RAMP1: variants seen among roughly 807,000 people sequenced by gnomAD.
RAMP1 encodes the protein receptor activity modifying protein 1, also known as receptor activity-modifying protein 1.
RAMP1 carries 7 observed loss-of-function variants against 8.2 expected under a neutral mutation model. That is an observed-to-expected ratio of 0.85 (90% CI 0.49 to 1.60). The LOEUF (loss-of-function observed/expected upper bound fraction) is 1.60, where lower values mean the gene tolerates loss of function less well. Among genes scored for constraint, RAMP1 ranks in the 40% most tolerant of loss-of-function variants. RAMP1 has a pLI of 0.00. For synonymous variants in RAMP1, 92 were observed against 84.7 expected (o/e 1.09, Z -0.47); for missense variants, 192 against 202.4 (o/e 0.95, Z 0.31).
intron 2 of RAMP1, among the ~76,000 whole-genome samples, chr2:237,884,042 G>A (rs912543132): frequency 7.3e-5 from 11 of 150,914 alleles, no homozygotes; most frequent in East Asian, 5.9e-4. Context: ...TGCCCTGACC[G>A]TGACCCCACT....
At chr2:237,898,763 G>A (rs1428277397) in intron 2 of RAMP1, among the ~76,000 whole-genome samples, 5 of 152,206 alleles carry the variant, frequency 3.3e-5, no homozygotes, top group South Asian at 2.1e-4. Flanking sequence ...CCCAGGGCCC[G>A]GGCTGAGGCC....
intron 1 of RAMP1, among the ~76,000 whole-genome samples, chr2:237,869,204 C>A (rs1028890908): frequency 1.3e-5 from 2 of 152,172 alleles, no homozygotes; most frequent in Admixed American, 1.3e-4. Context: ...CCATATGTGA[C>A]CCTGCCAGTC....
intron 1 of RAMP1, chr2:237,860,009 T>G (rs1013889025): frequency 1.3e-5 from 5 of 374,092 alleles, no homozygotes; most frequent in African/African-American, 1.1e-4. Context: ...GTGGGGTGAG[T>G]CAGCCCTGCA....
intron 1 of RAMP1, among the ~76,000 whole-genome samples, chr2:237,867,693 A>C (rs2062203204): frequency 1.3e-5 from 2 of 152,180 alleles, no homozygotes; most frequent in South Asian, 4.1e-4. Context: ...TTCTGGGATG[A>C]ATGGAGCGTT....
chr2:237,891,104 T>G (rs1477124867), intron 2 of RAMP1, among the ~76,000 whole-genome samples: 1 of 152,190 alleles, frequency 6.6e-6, no homozygotes. Context: ...ACTTTCCTCA[T>G]TCATCACTTT....
At chr2:237,869,914 G>A (rs760782053) in intron 1 of RAMP1, 6 of 152,262 alleles carry the variant, frequency 3.9e-5, no homozygotes, top group Non-Finnish European at 5.9e-5. Context: ...GCCGTGTGAG[G>A]CCACCTCTGC....
At chr2:237,859,820 G>T in intron 1 of RAMP1, 93 bp downstream of exon 1, 9 of 651,144 alleles carry the variant, frequency 1.4e-5, no homozygotes, top group Non-Finnish European at 2.0e-5. Flanking sequence ...GAGCGGGTGG[G>T]AGCGGGTGGG....
chr2:237,874,057 TG>T (rs2062273788), intron 1 of RAMP1, among the ~76,000 whole-genome samples: 1 of 151,268 alleles, frequency 6.6e-6, no homozygotes, highest in South Asian at 2.1e-4. Context: ...CTAAGAGAGG[TG>T]GGGGATGCAG....
At chr2:237,868,118 A>G (rs1308940793) in intron 1 of RAMP1, among the ~76,000 whole-genome samples, 3 of 148,762 alleles carry the variant, frequency 2.0e-5, no homozygotes, top group Non-Finnish European at 4.4e-5. Flanking sequence ...ATGTCAGCTC[A>G]CTGCAACCTC....
chr2:237,864,870 G>A (rs896066250), intron 1 of RAMP1, among the ~76,000 whole-genome samples: 4 of 147,306 alleles, frequency 2.7e-5, no homozygotes, highest in African/African-American at 7.8e-5. Flanking sequence ...GGGCAAGGAC[G>A]GTTGTGCAAA....
At chr2:237,911,477 G>A (rs767939431) in intron 2 of RAMP1, 51 bp from the exon 3 acceptor site, 8 of 1,599,866 alleles carry the variant, frequency 5.0e-6, no homozygotes, top group Admixed American at 3.4e-5. Context: ...GGGGTCCCGC[G>A]TTGGATCCCC....
intron 2 of RAMP1, among the ~76,000 whole-genome samples, chr2:237,898,253 A>C (rs1362805401): frequency 6.6e-6 from 1 of 152,220 alleles, no homozygotes; most frequent in Non-Finnish European, 1.5e-5. Context: ...TAACATATTC[A>C]TTTGCATGCA....
rs1016057429 is a variant in RAMP1, at chr2:237,911,919, A to C, written c.*136A>C. On this transcript the variant is annotated 3_prime_UTR_variant, in exon 3 of 3. Coordinates refer to ENST00000254661, the MANE Select transcript of RAMP1 (RefSeq NM_005855.4). ...CTTCTTCCAGCCAAGAAGAGCTCAC[A>C]GGAGTCCAGAGTAGCCGAGGCTCTG... The C allele has an allele frequency of 7.4e-7, 1 of 1,344,348 alleles. No homozygotes were observed. The highest frequency in any genetic ancestry group is 9.9e-7 in the Non-Finnish European group (1 of 1,013,708). 83.3% of individuals were successfully genotyped at this position (1,344,348 alleles called of 1,614,324 possible). A position where few individuals can be genotyped will look rare whatever the true frequency, so the allele number is the denominator to read the frequency against.
At chr2:237,876,005 C>T (rs952537682) in intron 1 of RAMP1, among the ~76,000 whole-genome samples, 4 of 152,176 alleles carry the variant, frequency 2.6e-5, no homozygotes, top group Non-Finnish European at 2.9e-5. Context: ...GACCTGGGGC[C>T]GAGTTCTGAA....
intron 2 of RAMP1, among the ~76,000 whole-genome samples, chr2:237,882,685 A>T (rs1249376813): frequency 1.3e-5 from 2 of 152,194 alleles, no homozygotes; most frequent in Non-Finnish European, 2.9e-5. Context: ...CAGCCTTCCA[A>T]GGGTCTCCAG....
chr2:237,875,586 C>T (rs918227441), intron 1 of RAMP1, among the ~76,000 whole-genome samples: 1 of 152,168 alleles, frequency 6.6e-6, no homozygotes, highest in East Asian at 1.9e-4. Context: ...AACTCCCAGC[C>T]TTCCATGCAG....
intron 1 of RAMP1, chr2:237,859,990 C>A: frequency 2.5e-6 from 1 of 401,902 alleles, no homozygotes; most frequent in Non-Finnish European, 4.5e-6. Context: ...AGCGGGCATT[C>A]TGGAAAGCGT....
intron 2 of RAMP1, among the ~76,000 whole-genome samples, chr2:237,910,518 T>C (rs1292089032): frequency 6.9e-6 from 1 of 145,256 alleles, no homozygotes; most frequent in Non-Finnish European, 1.5e-5. Flanking sequence ...CAATTACATA[T>C]ACATAGTCAC....
rs3769030 is a variant in RAMP1, at chr2:237,876,108, C to T, written c.53-1116C>T. Among the ~76,000 whole-genome samples the T allele has an allele frequency of 6.0e-3, 920 of 152,236 alleles. 16 individuals are homozygous for T. In the East Asian group the frequency reaches 0.069, roughly 11 times the overall value. On this transcript the variant is annotated intron_variant, in intron 1 of 2. Coordinates refer to ENST00000254661, the MANE Select transcript of RAMP1 (RefSeq NM_005855.4). ...GTGTGAAGAGCTCCAGGGTGCCCGG[C>T]GCATCGGGGCAGCTCCAGTTCCTCT...
Sources: gnomAD v4.1 joint callset for allele counts (sites outside exome capture counted in the v4.1 genomes callset) on GRCh38, gnomAD v4.1.1 for gene constraint, MANE v1.5 for transcripts, NCBI Gene and HGNC (gene_info 2026-07-23, HGNC 2026-07-21) for gene names.